Variants in SOX5 observed in about 807,000 individuals in gnomAD.
SOX5 encodes the protein transcription factor SOX-5.
Under a neutral mutation model 92.0 loss-of-function variants are expected in SOX5, and 9 were observed. That is an observed-to-expected ratio of 0.10 (90% CI 0.06 to 0.17). SOX5 has a LOEUF of 0.17. Among genes scored for constraint, SOX5 ranks in the 10% least tolerant of loss-of-function variants. SOX5 has a pLI of 1.00. For synonymous variants in SOX5, 344 were observed against 336.3 expected (o/e 1.02, Z -0.25); for missense variants, 642 against 944.5 (o/e 0.68, Z 4.20).
chr12:23,710,158 A>G (rs954379635), intron 6 of SOX5, among the ~76,000 whole-genome samples: 6 of 152,040 alleles, frequency 3.9e-5, no homozygotes, highest in African/African-American at 1.5e-4. Flanking sequence ...TAAGAAAGAG[A>G]AAGTTCTTTG....
intron 2 of SOX5, among the ~76,000 whole-genome samples, chr12:24,314,054 A>G (rs918119299): frequency 1.3e-5 from 2 of 152,166 alleles, no homozygotes; most frequent in Non-Finnish European, 2.9e-5. Flanking sequence ...GGTTTTGACC[A>G]CTTCTAACCA....
intron 4 of SOX5, among the ~76,000 whole-genome samples, chr12:24,096,438 C>A (rs1436982833): frequency 6.6e-6 from 1 of 152,154 alleles, no homozygotes; most frequent in African/African-American, 2.4e-5. Context: ...ACCCTGTAAA[C>A]ATTAAACAGT....
upstream of SOX5, chr12:23,950,910 A>G (rs985677289): frequency 3.9e-6 from 6 of 1,534,002 alleles, no homozygotes; most frequent in African/African-American, 8.2e-5. Flanking sequence ...CGTGCACCGC[A>G]GCATCTGGTC....
At chr12:23,825,954 C>G (rs1217528728) in intron 3 of SOX5, among the ~76,000 whole-genome samples, 1 of 152,076 alleles carries the variant, frequency 6.6e-6, no homozygotes, top group Admixed American at 6.6e-5. Context: ...TAATTGTAAT[C>G]CGGTAAGTGA....
At chr12:23,743,556 C>T (rs542152690) in intron 4 of SOX5, among the ~76,000 whole-genome samples, 10 of 152,076 alleles carry the variant, frequency 6.6e-5, no homozygotes, top group East Asian at 1.9e-4. Context: ...GTGATCCTCC[C>T]GCCTCAGCCT....
Position 23,584,424 on chromosome 12 carries a change from A to G in SOX5, c.1165-8586T>C. On this transcript the variant is annotated intron_variant, in intron 9 of 14. Transcript: ENST00000451604. ...AAGTTTGGTCTGGTTATACGCAGAT[A>G]GGCCATCTTTAGATAACAACCTGGC... 3.8e-6 allele frequency: 3 copies of G among 782,448 alleles called. No individual in the cohort carries two copies. In the South Asian group the frequency reaches 4.2e-5, roughly 11 times the overall value. 48.5% of individuals were successfully genotyped at this position (782,448 alleles called of 1,614,324 possible).
chr12:24,506,994 G>T (rs544701808), intron 1 of SOX5, among the ~76,000 whole-genome samples: 101 of 151,790 alleles, frequency 6.7e-4, no homozygotes, highest in African/African-American at 2.3e-3. Flanking sequence ...GTTTCACCTT[G>T]TTAGCCAGGA....
intron 2 of SOX5, among the ~76,000 whole-genome samples, chr12:24,304,358 G>A (rs1948332657): frequency 6.6e-6 from 1 of 152,196 alleles, no homozygotes; most frequent in African/African-American, 2.4e-5. Flanking sequence ...GATCAGAAAG[G>A]ACCATGAATG....
intron 8 of SOX5, among the ~76,000 whole-genome samples, chr12:23,630,313 T>C (rs17384920): frequency 0.079 from 12,080 of 151,966 alleles, 627 homozygotes; most frequent in Non-Finnish European, 0.11. Flanking sequence ...TAGCAAAATA[T>C]GAAAAACTAC....
intron 4 of SOX5, among the ~76,000 whole-genome samples, chr12:24,139,827 C>A (rs929564456): frequency 1.3e-5 from 2 of 152,186 alleles, no homozygotes; most frequent in African/African-American, 4.8e-5. Flanking sequence ...AAGCTAGGTA[C>A]TGGCAAGCCC....
At chr12:24,228,150 C>T (rs1180134371) in intron 3 of SOX5, among the ~76,000 whole-genome samples, 2 of 152,122 alleles carry the variant, frequency 1.3e-5, no homozygotes, top group South Asian at 2.1e-4. Context: ...CTTCTGCTTT[C>T]GAGCTCCACT....
chr12:24,014,238 T>C (rs1159281109), intron 4 of SOX5, among the ~76,000 whole-genome samples: 1 of 152,154 alleles, frequency 6.6e-6, no homozygotes, highest in Non-Finnish European at 1.5e-5. Context: ...TAAGCCAACA[T>C]TCCTCTCTTA....
chr12:23,839,241 T>A (rs751620546), intron 3 of SOX5, among the ~76,000 whole-genome samples: 1 of 152,036 alleles, frequency 6.6e-6, no homozygotes, highest in Non-Finnish European at 1.5e-5. Flanking sequence ...CTCATGGGGA[T>A]TGGCATGTCA....
At chr12:24,499,326 G>C (rs569464225) in intron 1 of SOX5, among the ~76,000 whole-genome samples, 1 of 152,216 alleles carries the variant, frequency 6.6e-6, no homozygotes, top group Non-Finnish European at 1.5e-5. Context: ...TAGGGCTTAA[G>C]AGGAATGTCT....
At chr12:24,257,672 T>C (rs1941432303) in intron 3 of SOX5, among the ~76,000 whole-genome samples, 1 of 151,850 alleles carries the variant, frequency 6.6e-6, no homozygotes, top group Non-Finnish European at 1.5e-5. Context: ...TTTCACCATA[T>C]TGGTCAGGCT....
At chr12:24,169,643 A>G (rs1953841899) in intron 4 of SOX5, among the ~76,000 whole-genome samples, 1 of 152,246 alleles carries the variant, frequency 6.6e-6, no homozygotes, top group Non-Finnish European at 1.5e-5. Flanking sequence ...GGCTAAAGAT[A>G]GAAAATTAGA....
At chr12:24,269,909 T>A (rs924207042) in intron 3 of SOX5, among the ~76,000 whole-genome samples, 3 of 141,868 alleles carry the variant, frequency 2.1e-5, no homozygotes, top group African/African-American at 7.9e-5. Flanking sequence ...GTCTCAAAAC[T>A]CCTGAGCTCA....
At chr12:23,808,234 CTG>C (rs1476342734) in intron 3 of SOX5, among the ~76,000 whole-genome samples, 4 of 152,050 alleles carry the variant, frequency 2.6e-5, no homozygotes, top group Non-Finnish European at 5.9e-5. Context: ...AAAGTTAACT[CTG>C]TATTTCTACC....
At chr12:23,570,504 A>C (rs1028990604) in intron 10 of SOX5, among the ~76,000 whole-genome samples, 1 of 152,168 alleles carries the variant, frequency 6.6e-6, no homozygotes, top group Middle Eastern at 3.4e-3. Flanking sequence ...AAACCTGGGC[A>C]TGGTGACTCA....
Sources: gnomAD v4.1 joint callset for allele counts (sites outside exome capture counted in the v4.1 genomes callset) on GRCh38, gnomAD v4.1.1 for gene constraint, MANE v1.5 for transcripts, NCBI Gene and HGNC (gene_info 2026-07-23, HGNC 2026-07-21) for gene names.